RB1: variants seen among roughly 807,000 people sequenced by gnomAD.
The protein encoded by RB1 is retinoblastoma-associated protein.
A neutral mutation model predicts 135.4 loss-of-function variants in RB1; 18 were observed. The ratio of observed to expected loss-of-function variants is 0.13; its 90% CI spans 0.09 to 0.20. RB1 has a LOEUF of 0.20. Ranked by LOEUF, RB1 falls within the 10% of genes least tolerant of loss-of-function variation. The pLI, the probability that RB1 is intolerant of heterozygous loss-of-function variation, is 1.00. For synonymous variants in RB1, 365 were observed against 373.2 expected (o/e 0.98, Z 0.25); for missense variants, 868 against 1,110.0 (o/e 0.78, Z 3.10).
intron 7 of RB1, 132 bp from the exon 8 acceptor site, chr13:48,362,683 C>T (rs1952654061): frequency 1.0e-6 from 1 of 957,442 alleles, no homozygotes; most frequent in Non-Finnish European, 1.6e-6. Context: ...TGTTATCCTT[C>T]TAATGAAACC....
intron 4 of RB1, 112 bp from the exon 5 acceptor site, chr13:48,347,713 T>A: frequency 1.4e-6 from 1 of 720,576 alleles, no homozygotes; most frequent in South Asian, 1.8e-5. Flanking sequence ...CTATATATTT[T>A]TTGTTTTTAA....
chr13:48,347,971 C>T, intron 5 of RB1, 108 bp downstream of exon 5: 1 of 820,264 alleles, frequency 1.2e-6, no homozygotes, highest in Non-Finnish European at 2.0e-6. Flanking sequence ...TAGCAGGCTA[C>T]TTCATAAATT....
In RB1 at chr13:48,334,562, CAT is replaced by C. The variant is rs572237560; in HGVS notation, c.265-8036_265-8035del. 2.5e-3 allele frequency among the ~76,000 whole-genome samples: 384 copies of C among 152,300 alleles called. 2 individuals are homozygous for C. Among genetic ancestry groups the C allele is most frequent in the Admixed American group, 4.2e-3 (64 of 15,294 alleles). On this transcript the variant is annotated intron_variant, in intron 2 of 26. Coordinates refer to ENST00000267163, the MANE Select transcript of RB1 (RefSeq NM_000321.3). ...GACCCTGAGGTAGAGCACAAAAGCACATGTTTCTTATGACTTATTTTCATCTT... is the reference window on the plus strand; with the variant it reads ...GACCCTGAGGTAGAGCACAAAAGCACGTTTCTTATGACTTATTTTCATCTT...
rs1037938381 is a variant in RB1 at position 48,391,937 on chromosome 13, GT to G, written c.1695+10495del. On this transcript the variant is annotated intron_variant, in intron 17 of 26. Coordinates refer to ENST00000267163, the MANE Select transcript of RB1 (RefSeq NM_000321.3). ...ACCCAGCCAACAAAAAACATTTCTT[GT>G]GTGCATGTCTACTAGTGATGAATTC... Among the ~76,000 whole-genome samples, 4 of 152,122 alleles carry G rather than the reference GT, an allele frequency of 2.6e-5. No homozygotes were observed. In the East Asian group the frequency reaches 7.8e-4, roughly 29 times the overall value.
chr13:48,376,236 C>A (rs919413718), intron 12 of RB1, among the ~76,000 whole-genome samples: 1 of 152,082 alleles, frequency 6.6e-6, no homozygotes, highest in Admixed American at 6.5e-5. Flanking sequence ...CATGGTGGCT[C>A]ACACCTGTAA....
rs368203524 is a variant in RB1 at position 48,479,655 on chromosome 13, A to AT, written c.2714-333dup. 2.3e-3 allele frequency among the ~76,000 whole-genome samples: 348 copies of AT among 149,860 alleles called. 12 individuals carry two copies. The South Asian group carries it at 0.057, about 25-fold the overall frequency. On this transcript the variant is annotated intron_variant, in intron 26 of 26. Coordinates refer to ENST00000267163, the MANE Select transcript of RB1 (RefSeq NM_000321.3). ...TGTTTTTTTGGGGGGTGGGGAGGGA[A>AT]TTTTTTTTTTAATTGATATATCATA...
At chr13:48,433,334 CACT>C (rs1317991746) in intron 17 of RB1, among the ~76,000 whole-genome samples, 1 of 151,572 alleles carries the variant, frequency 6.6e-6, no homozygotes, top group Non-Finnish European at 1.5e-5. Flanking sequence ...TTAAATATAC[CACT>C]AACTCTAAAT....
chr13:48,351,057 T>A (rs140001410), intron 6 of RB1, among the ~76,000 whole-genome samples: 2 of 152,352 alleles, frequency 1.3e-5, no homozygotes, highest in East Asian at 3.9e-4. Context: ...TGCTTTTGTC[T>A]TTATGGTAGA....
intron 17 of RB1, among the ~76,000 whole-genome samples, chr13:48,382,530 C>T (rs757539573): frequency 4.6e-5 from 7 of 152,150 alleles, no homozygotes; most frequent in Non-Finnish European, 7.3e-5. Flanking sequence ...CTTTCACCCA[C>T]TTTTTGATGG....
rs4151601 is a variant in RB1, at chr13:48,461,557, G to A, written c.2106+1724G>A. 8.5e-3 allele frequency among the ~76,000 whole-genome samples: 1,289 copies of A among 152,196 alleles called. 60 individuals carry two copies. The East Asian group carries it at 0.12, about 14-fold the overall frequency. On this transcript the variant is annotated intron_variant, in intron 20 of 26. Transcript: ENST00000267163. ...TATGATAATTCTATGTTAACTTTTT[G>A]AGGAATGCCCAGATCATTTTCCAAA... is the stretch of plus-strand genomic sequence containing the variant.
At chr13:48,474,865 C>A (rs1949494380) in intron 24 of RB1, among the ~76,000 whole-genome samples, 1 of 152,014 alleles carries the variant, frequency 6.6e-6, no homozygotes, top group South Asian at 2.1e-4. Context: ...ATATGTTGCA[C>A]CATCTCCATT....
At chr13:48,410,613 A>G (rs1948785457) in intron 17 of RB1, among the ~76,000 whole-genome samples, 1 of 152,174 alleles carries the variant, frequency 6.6e-6, no homozygotes, top group African/African-American at 2.4e-5. Flanking sequence ...CTCTGGTAGT[A>G]TTTTATTTTT....
At chr13:48,418,310 C>T (rs989000304) in intron 17 of RB1, among the ~76,000 whole-genome samples, 8 of 152,190 alleles carry the variant, frequency 5.3e-5, no homozygotes, top group African/African-American at 1.9e-4. Flanking sequence ...GAAATAAAAT[C>T]CTTCACAGAT....
chr13:48,445,159 G>A (rs549792714), intron 17 of RB1: 1 of 152,110 alleles, frequency 6.6e-6, no homozygotes, highest in Non-Finnish European at 1.5e-5. Flanking sequence ...TTGTAACAGA[G>A]CTAAAGCAAT....
intron 2 of RB1, among the ~76,000 whole-genome samples, chr13:48,331,981 T>C (rs535157250): frequency 6.6e-6 from 1 of 152,320 alleles, no homozygotes; most frequent in East Asian, 1.9e-4. Flanking sequence ...CAAACCCAGT[T>C]GAAAAATCGC....
intron 2 of RB1, among the ~76,000 whole-genome samples, chr13:48,321,672 A>G (rs959504861): frequency 4.4e-4 from 67 of 152,038 alleles, no homozygotes; most frequent in Non-Finnish European, 3.8e-4. Flanking sequence ...CCTGGCTAAC[A>G]TGGTGAAACT....
chr13:48,458,119 C>G (rs535995182), intron 19 of RB1, among the ~76,000 whole-genome samples: 1 of 152,332 alleles, frequency 6.6e-6, no homozygotes, highest in Admixed American at 6.5e-5. Context: ...CCTGCTTGTC[C>G]CCGGCTCCTC....
intron 19 of RB1, among the ~76,000 whole-genome samples, chr13:48,457,176 T>C (rs1055812600): frequency 1.3e-5 from 2 of 152,084 alleles, no homozygotes; most frequent in Non-Finnish European, 2.9e-5. Context: ...AGAAGACCCA[T>C]AGTGGGCAGC....
intron 17 of RB1, among the ~76,000 whole-genome samples, chr13:48,421,164 T>C (rs866185077): frequency 6.6e-6 from 1 of 152,118 alleles, no homozygotes; most frequent in Non-Finnish European, 1.5e-5. Context: ...CAAAACAGCA[T>C]GGTATTGGTA....
Sources: gnomAD v4.1 joint callset for allele counts (sites outside exome capture counted in the v4.1 genomes callset) on GRCh38, gnomAD v4.1.1 for gene constraint, MANE v1.5 for transcripts, NCBI Gene and HGNC (gene_info 2026-07-23, HGNC 2026-07-21) for gene names.